The following AKAP19 variants were observed in gnomAD, a reference collection of about 807,000 sequenced individuals.
The protein encoded by AKAP19 is A-kinase anchoring protein 19, also known as small A-kinase anchoring protein.
the AKAP19 span, among the ~76,000 whole-genome samples, chr2:190,152,902 T>TC: frequency 4.6e-5 from 7 of 151,264 alleles, no homozygotes; most frequent in Non-Finnish European, 8.9e-5. Flanking sequence ...ATTCTTTCTT[T>TC]TTTTTTTTTT....
the AKAP19 span, among the ~76,000 whole-genome samples, chr2:190,091,534 T>A: frequency 4.6e-5 from 1 of 21,806 alleles, no homozygotes; most frequent in Non-Finnish European, 1.2e-4. Context: ...TAGTAGTTTA[T>A]CCTCTTTTGT....
chr2:190,156,242 A>G, the AKAP19 span, among the ~76,000 whole-genome samples: 86,815 of 151,944 alleles, frequency 0.57, 25,492 homozygotes, highest in Middle Eastern at 0.67. Flanking sequence ...TTTTTAAAAT[A>G]GTGCTGATCC....
chr2:190,127,032 G>T, the AKAP19 span, among the ~76,000 whole-genome samples: 1 of 152,040 alleles, frequency 6.6e-6, no homozygotes, highest in Admixed American at 6.6e-5. Flanking sequence ...CCCAAAGAGG[G>T]ATGTAGAGCT....
At chr2:189,967,073 G>A in the AKAP19 span, among the ~76,000 whole-genome samples, 4 of 152,166 alleles carry the variant, frequency 2.6e-5, no homozygotes, top group Non-Finnish European at 5.9e-5. Context: ...TTATGGGTAA[G>A]TGTGACTTTG....
chr2:189,889,763 T>A, the AKAP19 span, among the ~76,000 whole-genome samples: 1 of 152,342 alleles, frequency 6.6e-6, no homozygotes, highest in South Asian at 2.1e-4. Context: ...TTCTGTGGGA[T>A]CAGTGGTGAA....
At chr2:190,071,505 C>T in the AKAP19 span, among the ~76,000 whole-genome samples, 1 of 152,108 alleles carries the variant, frequency 6.6e-6, no homozygotes, top group Non-Finnish European at 1.5e-5. Flanking sequence ...TACTATGCAG[C>T]CTACCTATGC....
At chr2:190,201,574 CCT>C in the AKAP19 span, 1 of 166,914 alleles carries the variant, frequency 6.0e-6, no homozygotes, top group African/African-American at 2.4e-5. Context: ...AGAAAATCTA[CCT>C]CTAATTTTAA....
At chr2:190,056,969 C>G in the AKAP19 span, 1 of 342,370 alleles carries the variant, frequency 2.9e-6, no homozygotes, top group South Asian at 4.2e-5. Context: ...AGGAGAATCG[C>G]TTTCATTTCC....
the AKAP19 span, among the ~76,000 whole-genome samples, chr2:189,984,198 C>G: frequency 6.6e-6 from 1 of 152,262 alleles, no homozygotes; most frequent in South Asian, 2.1e-4. Context: ...CAAGAATTTC[C>G]TCTTCCTAAT....
the AKAP19 span, among the ~76,000 whole-genome samples, chr2:190,095,179 A>G: frequency 6.6e-6 from 1 of 152,186 alleles, no homozygotes; most frequent in African/African-American, 2.4e-5. Context: ...CCAAGATCAC[A>G]CCACTGCACT....
the AKAP19 span, among the ~76,000 whole-genome samples, chr2:190,122,596 G>A: frequency 6.6e-6 from 1 of 152,124 alleles, no homozygotes; most frequent in Non-Finnish European, 1.5e-5. Context: ...TCATGTGAGA[G>A]GATTCCAAGA....
At chr2:189,950,258 C>T in the AKAP19 span, among the ~76,000 whole-genome samples, 719 of 150,834 alleles carry the variant, frequency 4.8e-3, 6 homozygotes, top group African/African-American at 0.016. Context: ...GAACTCCTAA[C>T]CTCAGATGAT....
chr2:189,999,828 C>G, the AKAP19 span, among the ~76,000 whole-genome samples: 1 of 152,232 alleles, frequency 6.6e-6, no homozygotes, highest in South Asian at 2.1e-4. Flanking sequence ...CTATTCAGAG[C>G]CAGGCATGGA....
the AKAP19 span, among the ~76,000 whole-genome samples, chr2:190,187,012 G>C: frequency 4.0e-4 from 61 of 151,986 alleles, no homozygotes; most frequent in African/African-American, 1.4e-3. Context: ...GCTGATTTTT[G>C]TATCTTTAGT....
the AKAP19 span, among the ~76,000 whole-genome samples, chr2:190,133,581 A>G: frequency 1.3e-5 from 2 of 152,208 alleles, no homozygotes; most frequent in African/African-American, 2.4e-5. Context: ...CCCTATGTTC[A>G]TTGAGCACTG....
the AKAP19 span, among the ~76,000 whole-genome samples, chr2:190,121,050 T>A: frequency 2.0e-5 from 3 of 151,950 alleles, no homozygotes; most frequent in Admixed American, 2.0e-4. Flanking sequence ...ATAATTAAAA[T>A]TTGATAGATT....
chr2:190,186,839 CTTAT>C, the AKAP19 span, among the ~76,000 whole-genome samples: 1 of 152,064 alleles, frequency 6.6e-6, no homozygotes, highest in African/African-American at 2.4e-5. The surrounding 1 kb of genome is among the most constrained non-coding windows in gnomAD (Gnocchi z 5.5). Flanking sequence ...TTTTTATAAA[CTTAT>C]TTTTTATTTT....
At chr2:190,150,024 C>G in the AKAP19 span, among the ~76,000 whole-genome samples, 1 of 152,092 alleles carries the variant, frequency 6.6e-6, no homozygotes, top group Non-Finnish European at 1.5e-5. Flanking sequence ...CAGGCCTCAC[C>G]CAGCTCCCAT....
the AKAP19 span, among the ~76,000 whole-genome samples, chr2:189,948,104 C>G: frequency 2.0e-5 from 3 of 152,082 alleles, no homozygotes; most frequent in Non-Finnish European, 4.4e-5. Context: ...AGGCAGTGTA[C>G]TAATTACTTT....
Sources: allele counts gnomAD v4.1 joint callset (sites outside exome capture counted in the v4.1 genomes callset), GRCh38; gene constraint gnomAD v4.1.1; non-coding constraint Gnocchi (gnomAD v3.1); transcripts MANE v1.5; gene names NCBI Gene and HGNC (gene_info 2026-07-23, HGNC 2026-07-21).